MYO3B: variants seen among roughly 807,000 people sequenced by gnomAD.
MYO3B encodes the protein myosin-IIIb.
MYO3B carries 156 observed loss-of-function variants against 174.6 expected under a neutral mutation model. The observed-to-expected ratio is 0.89, with a 90% CI of 0.78 to 1.02. The LOEUF (loss-of-function observed/expected upper bound fraction) is 1.02, where lower values mean the gene tolerates loss of function less well. Ranked by LOEUF, MYO3B falls within the 50% of genes least tolerant of loss-of-function variation. MYO3B has a pLI of 0.00. For missense variants in MYO3B, 1,632 were observed against 1,639.4 expected (o/e 1.00, Z 0.08); for synonymous variants, 563 against 569.1 (o/e 0.99, Z 0.15).
rs116285561 is a variant in MYO3B at position 170,382,967 on chromosome 2, C to T, written c.1069-106C>T. ...TATGATTTAAATGGACTACTTTCAT[C>T]GTTTAGAGAAAGATGTTCTTGGAAG... is the stretch of plus-strand genomic sequence containing the variant. On this transcript the variant is annotated intron_variant, in intron 10 of 34. Coordinates refer to ENST00000408978, the MANE Select transcript of MYO3B (RefSeq NM_138995.5). The T allele has an allele frequency of 1.2e-4, 89 of 725,908 alleles. 1 individual carries two copies. In the African/African-American group the frequency reaches 1.2e-3, roughly 10 times the overall value. The allele number at this position is 725,908 out of a possible 1,614,324, so 45.0% of individuals were successfully genotyped here. A position where few individuals can be genotyped will look rare whatever the true frequency, so the allele number is the denominator to read the frequency against.
intron 28 of MYO3B, 27 bp downstream of exon 28, chr2:170,501,892 T>G: frequency 6.9e-7 from 1 of 1,447,570 alleles, no homozygotes; most frequent in Non-Finnish European, 9.7e-7. Context: ...TTTCACAGTG[T>G]CCACTTGAAA....
chr2:170,182,795 G>C (rs137905711), intron 1 of MYO3B, among the ~76,000 whole-genome samples: 714 of 151,834 alleles, frequency 4.7e-3, no homozygotes, highest in South Asian at 0.011. Context: ...GTTTTTAGTA[G>C]AGACGAGGTT....
intron 7 of MYO3B, among the ~76,000 whole-genome samples, chr2:170,265,524 AAGGTCAGGCT>A (rs1178750429): frequency 6.6e-6 from 1 of 152,206 alleles, no homozygotes; most frequent in African/African-American, 2.4e-5. Context: ...GGGCACAGGC[AAGGTCAGGCT>A]AGGTCAGGGC....
chr2:170,509,847 G>A (rs1005377962), intron 28 of MYO3B, among the ~76,000 whole-genome samples: 12 of 152,226 alleles, frequency 7.9e-5, no homozygotes, highest in African/African-American at 2.9e-4. Flanking sequence ...TCAGATGTCT[G>A]AAGAGTTGGA....
At chr2:170,492,072 T>A (rs1686524555) in intron 25 of MYO3B, among the ~76,000 whole-genome samples, 1 of 150,232 alleles carries the variant, frequency 6.7e-6, no homozygotes, top group Non-Finnish European at 1.5e-5. Flanking sequence ...AAAAAAAAGA[T>A]TTGTGATTTG....
At chr2:170,301,801 T>C (rs1027462903) in intron 7 of MYO3B, among the ~76,000 whole-genome samples, 1 of 151,500 alleles carries the variant, frequency 6.6e-6, no homozygotes, top group African/African-American at 2.4e-5. Flanking sequence ...TTTTTTTGTG[T>C]AACAGTATGT....
chr2:170,383,548 T>C (rs971843141), intron 11 of MYO3B, among the ~76,000 whole-genome samples, 162 bp from the exon 12 acceptor site: 1 of 152,088 alleles, frequency 6.6e-6, no homozygotes, highest in African/African-American at 2.4e-5. Context: ...AGTATAGAAG[T>C]GAAATTTGAA....
Position 170,392,499 on chromosome 2 carries a change from A to G in MYO3B, c.1791+4A>G. 1.3e-6 allele frequency: 2 copies of G among 1,514,648 alleles called. No individual in the cohort carries two copies. The highest frequency in any genetic ancestry group is 1.8e-6 in the Non-Finnish European group (2 of 1,114,684). 93.8% of individuals were successfully genotyped at this position (1,514,648 alleles called of 1,614,324 possible). A position where few individuals can be genotyped will look rare whatever the true frequency, so the allele number is the denominator to read the frequency against. On this transcript the variant is annotated splice_donor_region_variant and intron_variant, in intron 16 of 34. Transcript: ENST00000408978. Reference sequence around the variant, plus strand: ...GATTATAGGGTTCACGGACAAAGTAAGTGATGATCAAGAGAGGAACTCAAG... The same window carrying G: ...GATTATAGGGTTCACGGACAAAGTAGGTGATGATCAAGAGAGGAACTCAAG...
intron 7 of MYO3B, among the ~76,000 whole-genome samples, chr2:170,319,356 A>G (rs893722934): frequency 7.9e-5 from 12 of 152,196 alleles, no homozygotes; most frequent in Admixed American, 7.9e-4. Flanking sequence ...TCCCACCCCA[A>G]TGATGGTGAA....
Position 170,649,668 on chromosome 2 carries a change from A to T in MYO3B, c.3734-1960A>T, listed in dbSNP as rs190352943. 4.2e-4 allele frequency among the ~76,000 whole-genome samples: 64 copies of T among 150,946 alleles called. 1 individual carries two copies. Among genetic ancestry groups the T allele is most frequent in the African/African-American group, 1.5e-3 (62 of 41,230 alleles). On this transcript the variant is annotated intron_variant, in intron 32 of 34. Coordinates refer to ENST00000408978, the MANE Select transcript of MYO3B (RefSeq NM_138995.5). ...ATGATGAAACCCCATCTCTACAAAA[A>T]ATACAAAAATTTGCTGGGTGTGGTG...
intron 8 of MYO3B, among the ~76,000 whole-genome samples, chr2:170,361,338 TG>T (rs2094159508): frequency 6.6e-6 from 1 of 152,190 alleles, no homozygotes; most frequent in Non-Finnish European, 1.5e-5. Context: ...TGGAGTTGCC[TG>T]GAGAAATATC....
intron 32 of MYO3B, among the ~76,000 whole-genome samples, chr2:170,650,558 G>A (rs544345479): frequency 6.6e-6 from 1 of 151,614 alleles, no homozygotes; most frequent in Non-Finnish European, 1.5e-5. Flanking sequence ...AGAGGTGTGT[G>A]TGTCTGTGTG....
intron 32 of MYO3B, among the ~76,000 whole-genome samples, chr2:170,614,785 CAG>C (rs1695341454): frequency 6.6e-6 from 1 of 152,184 alleles, no homozygotes; most frequent in Admixed American, 6.5e-5. Flanking sequence ...TCCTGACTCT[CAG>C]AGAATTCACA....
intron 28 of MYO3B, among the ~76,000 whole-genome samples, chr2:170,513,360 T>C (rs1294519693): frequency 1.3e-5 from 2 of 152,212 alleles, no homozygotes; most frequent in Non-Finnish European, 2.9e-5. Flanking sequence ...TCCAAGTCTC[T>C]CTCCAGTCTC....
chr2:170,428,326 C>A (rs1003671414), intron 22 of MYO3B, among the ~76,000 whole-genome samples: 1 of 152,220 alleles, frequency 6.6e-6, no homozygotes, highest in African/African-American at 2.4e-5. Flanking sequence ...GCCTACTGAA[C>A]TGCTAAGAAA....
At chr2:170,278,127 G>C (rs184618511) in intron 7 of MYO3B, among the ~76,000 whole-genome samples, 3 of 152,256 alleles carry the variant, frequency 2.0e-5, no homozygotes, top group Non-Finnish European at 4.4e-5. Flanking sequence ...AGTGCACAAA[G>C]CATTATGATT....
intron 8 of MYO3B, among the ~76,000 whole-genome samples, chr2:170,347,102 T>C (rs532401588): frequency 2.2e-4 from 34 of 152,332 alleles, no homozygotes; most frequent in African/African-American, 7.9e-4. Context: ...ACCTGAGAGC[T>C]AAAATAAAAG....
chr2:170,629,567 G>C (rs534919393), intron 32 of MYO3B, among the ~76,000 whole-genome samples: 1 of 152,072 alleles, frequency 6.6e-6, no homozygotes, highest in Admixed American at 6.6e-5. Flanking sequence ...GCCACACAAC[G>C]GGCTGGGTGC....
At chr2:170,576,788 A>G (rs1478797772) in intron 32 of MYO3B, among the ~76,000 whole-genome samples, 1 of 152,186 alleles carries the variant, frequency 6.6e-6, no homozygotes, top group African/African-American at 2.4e-5. Flanking sequence ...CTTAGCAGGG[A>G]CCTCAGCTTG....
Sources: gnomAD v4.1 joint callset for allele counts (sites outside exome capture counted in the v4.1 genomes callset) on GRCh38, gnomAD v4.1.1 for gene constraint, MANE v1.5 for transcripts, NCBI Gene and HGNC (gene_info 2026-07-23, HGNC 2026-07-21) for gene names.